SPAG16: variants seen among roughly 807,000 people sequenced by gnomAD.
SPAG16 encodes the protein sperm-associated antigen 16 protein.
In SPAG16, 86 loss-of-function variants were observed where a neutral mutation model predicts 80.4. That is an observed-to-expected ratio of 1.07 (90% CI 0.90 to 1.28). SPAG16 has a LOEUF of 1.28. Among genes scored for constraint, SPAG16 ranks in the 50% most tolerant of loss-of-function variants. The pLI is 0.00. For synonymous variants in SPAG16, 294 were observed against 265.9 expected (o/e 1.11, Z -1.03); for missense variants, 870 against 765.3 (o/e 1.14, Z -1.61).
chr2:214,059,186 C>CTATATATATATATATATATA lies in SPAG16; in HGVS notation c.1527+45119_1527+45138dup, dbSNP rs36006046. On this transcript the variant is annotated intron_variant, in intron 13 of 15. Transcript: ENST00000331683. ...AGCAAGACTCTGTCTCTCTCTCTGTCTATATATATATATATATATATATAT... is the reference window on the plus strand; with the variant it reads ...AGCAAGACTCTGTCTCTCTCTCTGTCTATATATATATATATATATATATATATATATATATATATATATAT... 1.7e-4 allele frequency among the ~76,000 whole-genome samples: 20 copies of CTATATATATATATATATATA among 114,364 alleles called. 1 individual carries two copies. The highest frequency in any genetic ancestry group is 6.0e-4 in the African/African-American group (17 of 28,554). The allele number at this position is 114,364 out of a possible 152,430, so 75.0% of individuals were successfully genotyped here.
At chr2:213,730,266 T>C (rs1374073798) in intron 10 of SPAG16, among the ~76,000 whole-genome samples, 1 of 152,204 alleles carries the variant, frequency 6.6e-6, no homozygotes, top group Non-Finnish European at 1.5e-5. Context: ...GCAGTGGCTG[T>C]GGTTGATGGC....
At chr2:213,342,546 G>A (rs182224391) in intron 6 of SPAG16, among the ~76,000 whole-genome samples, 130 of 151,692 alleles carry the variant, frequency 8.6e-4, no homozygotes, top group Non-Finnish European at 1.3e-3. Context: ...TATCATCAAT[G>A]AGGTATAATG....
chr2:213,907,743 T>C (rs1293287109), intron 11 of SPAG16, among the ~76,000 whole-genome samples: 1 of 152,062 alleles, frequency 6.6e-6, no homozygotes, highest in African/African-American at 2.4e-5. Context: ...CTGGAGGACG[T>C]TATGTAAAGT....
Position 213,929,959 on chromosome 2 carries a change from G to C in SPAG16, c.1215-1G>C, listed in dbSNP as rs952728681. 1 of 1,600,084 alleles carries C rather than the reference G, an allele frequency of 6.2e-7. No homozygotes were observed. Among genetic ancestry groups the C allele is most frequent in the Non-Finnish European group, 8.5e-7 (1 of 1,174,022 alleles). On this transcript the variant is annotated splice_acceptor_variant, in intron 11 of 15. Transcript: ENST00000331683. LOFTEE classifies it high-confidence loss of function. ...CTGTCTTTTTATGTTTTTGCAAATA[G>C]TGGCGACAAATTGGCTACTTCAAGT... is the stretch of plus-strand genomic sequence containing the variant.
intron 11 of SPAG16, among the ~76,000 whole-genome samples, chr2:213,886,866 A>G (rs145050564): frequency 2.0e-3 from 297 of 152,260 alleles, no homozygotes; most frequent in African/African-American, 6.8e-3. Flanking sequence ...AGAACAATGG[A>G]CACTATGCTG....
chr2:213,323,867 A>C (rs926435806), intron 5 of SPAG16, among the ~76,000 whole-genome samples: 2 of 152,202 alleles, frequency 1.3e-5, no homozygotes, highest in Non-Finnish European at 2.9e-5. Flanking sequence ...AAGTGAAATA[A>C]GACAGTCACA....
chr2:213,692,425 CAG>C (rs986741612), intron 10 of SPAG16, among the ~76,000 whole-genome samples: 1 of 152,028 alleles, frequency 6.6e-6, no homozygotes, highest in African/African-American at 2.4e-5. Flanking sequence ...TAAGAAAAAG[CAG>C]AGAGAGAGCC....
chr2:213,673,723 AC>A (rs1299190606), intron 10 of SPAG16, among the ~76,000 whole-genome samples: 2 of 152,326 alleles, frequency 1.3e-5, no homozygotes, highest in East Asian at 3.9e-4. Flanking sequence ...TGTAATAGTT[AC>A]TTTATACATT....
At chr2:213,447,359 A>G (rs1364295299) in intron 9 of SPAG16, among the ~76,000 whole-genome samples, 3 of 152,214 alleles carry the variant, frequency 2.0e-5, no homozygotes. Flanking sequence ...GAAACTGGCT[A>G]TCGCCATGTC....
At position 214,008,410 on chromosome 2, in the gene SPAG16, ACC is replaced by A. The variant is rs1324488201; in HGVS notation, c.1401-5540_1401-5539del. ...TTTCTTGTGTATGGATTACATTTTT[ACC>A]TTTCCACTTATGTACATATGTAGCA... On this transcript the variant is annotated intron_variant, in intron 12 of 15. Coordinates refer to ENST00000331683, the MANE Select transcript of SPAG16 (RefSeq NM_024532.5). Among the ~76,000 whole-genome samples, 278 of 151,564 alleles carry A rather than the reference ACC, an allele frequency of 1.8e-3. 1 individual carries two copies. The highest frequency in any genetic ancestry group is 6.3e-3 in the African/African-American group (259 of 41,324).
chr2:214,012,560 G>C (rs2047366627), intron 12 of SPAG16, among the ~76,000 whole-genome samples: 1 of 151,628 alleles, frequency 6.6e-6, no homozygotes, highest in Admixed American at 6.6e-5. Context: ...CTCCCAAAGT[G>C]GTTGGATTAC....
chr2:213,380,632 A>G (rs1009982205), intron 9 of SPAG16, among the ~76,000 whole-genome samples: 1 of 152,210 alleles, frequency 6.6e-6, no homozygotes, highest in Non-Finnish European at 1.5e-5. Flanking sequence ...TTGATGACCC[A>G]TAGTCAAACA....
intron 10 of SPAG16, among the ~76,000 whole-genome samples, chr2:213,608,313 A>G (rs1281826816): frequency 6.6e-6 from 1 of 152,044 alleles, no homozygotes; most frequent in African/African-American, 2.4e-5. Flanking sequence ...TCCTAATGCT[A>G]TCGCTCCCTC....
intron 15 of SPAG16, among the ~76,000 whole-genome samples, chr2:214,267,056 T>TGTCA (rs1334231023): frequency 6.6e-6 from 1 of 151,660 alleles, no homozygotes; most frequent in East Asian, 1.9e-4. Flanking sequence ...AAAATTCCAA[T>TGTCA]GTCATTCTTC....
chr2:213,976,377 G>A (rs1215628409), intron 12 of SPAG16, among the ~76,000 whole-genome samples: 2 of 151,592 alleles, frequency 1.3e-5, no homozygotes, highest in Non-Finnish European at 2.9e-5. Flanking sequence ...AAGTGAGAGA[G>A]CAGATACATA....
At chr2:214,000,469 T>C (rs942146460) in intron 12 of SPAG16, among the ~76,000 whole-genome samples, 1 of 152,126 alleles carries the variant, frequency 6.6e-6, no homozygotes, top group African/African-American at 2.4e-5. Flanking sequence ...AACAGACTAA[T>C]ATAGGAAGTA....
chr2:213,549,879 G>T (rs2076731997), intron 10 of SPAG16, among the ~76,000 whole-genome samples: 2 of 151,872 alleles, frequency 1.3e-5, no homozygotes, highest in African/African-American at 4.8e-5. Flanking sequence ...TGCTTTACTT[G>T]GATATTTGTT....
intron 13 of SPAG16, among the ~76,000 whole-genome samples, chr2:214,094,057 T>C (rs564635790): frequency 2.5e-4 from 38 of 152,172 alleles, no homozygotes; most frequent in Non-Finnish European, 4.9e-4. Flanking sequence ...CTCCATGCAG[T>C]AGTGTGTCAG....
chr2:213,561,669 T>C (rs1224256590), intron 10 of SPAG16, among the ~76,000 whole-genome samples: 1 of 152,192 alleles, frequency 6.6e-6, no homozygotes, highest in African/African-American at 2.4e-5. Flanking sequence ...TGTAATGTCT[T>C]TTTTAGAATC....
Sources: allele counts gnomAD v4.1 joint callset (sites outside exome capture counted in the v4.1 genomes callset), GRCh38; gene constraint gnomAD v4.1.1; transcripts MANE v1.5; gene names NCBI Gene and HGNC (gene_info 2026-07-23, HGNC 2026-07-21).